The following BTRC variants were observed in gnomAD, a reference collection of about 807,000 sequenced individuals.
BTRC encodes F-box/WD repeat-containing protein 1A.
BTRC carries 42 observed loss-of-function variants against 85.5 expected under a neutral mutation model. The observed-to-expected ratio is 0.49, with a 90% confidence interval of 0.38 to 0.64. The LOEUF (loss-of-function observed/expected upper bound fraction) is 0.64. BTRC is among the 30% of genes least tolerant of loss of function. BTRC has a pLI of 0.00. For missense variants in BTRC, 594 were observed against 743.5 expected (o/e 0.80, Z 2.34); for synonymous variants, 255 against 263.3 (o/e 0.97, Z 0.30).
intron 13 of BTRC, among the ~76,000 whole-genome samples, chr10:101,543,350 A>T (rs537250426): frequency 7.2e-5 from 11 of 151,732 alleles, no homozygotes; most frequent in Non-Finnish European, 1.3e-4. Context: ...CTTTTTTATG[A>T]TTAGTGTCTG....
At chr10:101,527,112 A>G (rs1303517485) in intron 6 of BTRC, among the ~76,000 whole-genome samples, 1 of 152,218 alleles carries the variant, frequency 6.6e-6, no homozygotes, top group Non-Finnish European at 1.5e-5. Flanking sequence ...TTGACAGAAA[A>G]AATTATAATA....
intron 1 of BTRC, among the ~76,000 whole-genome samples, chr10:101,406,938 ATC>A (rs1374345155): frequency 6.6e-6 from 1 of 150,902 alleles, no homozygotes; most frequent in African/African-American, 2.5e-5. Flanking sequence ...TAAATTAATC[ATC>A]TGTCCTGATC....
At chr10:101,406,065 C>T (rs2134010942) in intron 1 of BTRC, among the ~76,000 whole-genome samples, 1 of 151,936 alleles carries the variant, frequency 6.6e-6, no homozygotes, top group East Asian at 1.9e-4. Flanking sequence ...CCCTTTAGTT[C>T]TGAGTTTTTT....
At chr10:101,552,154 T>A (rs2062660468) in intron 14 of BTRC, among the ~76,000 whole-genome samples, 1 of 151,754 alleles carries the variant, frequency 6.6e-6, no homozygotes, top group Admixed American at 6.6e-5. Flanking sequence ...TTTCTTATTA[T>A]TTTTATTTTA....
chr10:101,393,746 T>C (rs1943294991), intron 1 of BTRC, among the ~76,000 whole-genome samples: 1 of 152,082 alleles, frequency 6.6e-6, no homozygotes, highest in Non-Finnish European at 1.5e-5. Context: ...CCCTACACAC[T>C]CCCCCACCCT....
chr10:101,525,058 A>G lies in BTRC; in HGVS notation c.557-955A>G, dbSNP rs188907636. Among the ~76,000 whole-genome samples, 517 of 152,336 alleles carry G rather than the reference A, an allele frequency of 3.4e-3. 1 individual carries two copies. Among genetic ancestry groups the G allele is most frequent in the African/African-American group, 0.012 (479 of 41,588 alleles). The stretch of plus-strand genomic sequence containing the variant: ...TTTAAGTCTGTAGAAAACCTCTGAT[A>G]TGTACTTTGTAAACAGAAATAACTT... On this transcript the variant is annotated intron_variant, in intron 5 of 14. Coordinates refer to ENST00000370187, the MANE Select transcript of BTRC (RefSeq NM_033637.4).
chr10:101,520,386 GTA>G (rs2062086523), intron 4 of BTRC, among the ~76,000 whole-genome samples: 1 of 152,112 alleles, frequency 6.6e-6, no homozygotes, highest in South Asian at 2.1e-4. Flanking sequence ...CACACTAAGA[GTA>G]TATGTTAGTG....
At chr10:101,394,399 T>C (rs1332241235) in intron 1 of BTRC, among the ~76,000 whole-genome samples, 1 of 152,252 alleles carries the variant, frequency 6.6e-6, no homozygotes, top group East Asian at 1.9e-4. Context: ...AAGTATTCTT[T>C]TTGCAGCATC....
At chr10:101,451,192 A>G (rs1009605396) in intron 2 of BTRC, among the ~76,000 whole-genome samples, 1 of 152,202 alleles carries the variant, frequency 6.6e-6, no homozygotes, top group Non-Finnish European at 1.5e-5. Flanking sequence ...CAGTATTAAA[A>G]GAACAGAAAA....
rs983579078 is a variant in BTRC, at chr10:101,478,066, G to A, written c.235-1302G>A. 2.6e-5 allele frequency among the ~76,000 whole-genome samples: 4 copies of A among 152,174 alleles called. No individual in the cohort carries two copies. The South Asian group carries it at 8.3e-4, about 32-fold the overall frequency. On this transcript the variant is annotated intron_variant, in intron 3 of 14. Transcript: ENST00000370187. Reference sequence around the variant, plus strand: ...TGTAATCCCAGCACTTTGGGAGGCCGAGGCGGGTGGGTCACCTGAGGTCAG... The same window carrying A: ...TGTAATCCCAGCACTTTGGGAGGCCAAGGCGGGTGGGTCACCTGAGGTCAG...
At chr10:101,446,161 A>G (rs1944821587) in intron 2 of BTRC, among the ~76,000 whole-genome samples, 1 of 126,390 alleles carries the variant, frequency 7.9e-6, no homozygotes, top group African/African-American at 3.0e-5. Context: ...GATATGTTCT[A>G]GGTTTATTAA....
chr10:101,539,211 G>A (rs2062431852), intron 13 of BTRC, among the ~76,000 whole-genome samples: 1 of 152,158 alleles, frequency 6.6e-6, no homozygotes, highest in African/African-American at 2.4e-5. Flanking sequence ...TGATTCAAAA[G>A]GAGGAATGCA....
intron 2 of BTRC, 56 bp downstream of exon 2, chr10:101,430,508 A>G: frequency 1.4e-6 from 2 of 1,381,264 alleles, no homozygotes; most frequent in South Asian, 1.2e-5. Flanking sequence ...TGTCTAATTC[A>G]TTAGTATGTG....
At chr10:101,362,458 C>T (rs892044340) in intron 1 of BTRC, among the ~76,000 whole-genome samples, 1 of 150,644 alleles carries the variant, frequency 6.6e-6, no homozygotes, top group Non-Finnish European at 1.5e-5. Context: ...TGCAATGGCA[C>T]AATCTCGGCT....
chr10:101,396,679 TGTGGAA>T (rs1943371973), intron 1 of BTRC, among the ~76,000 whole-genome samples: 1 of 152,182 alleles, frequency 6.6e-6, no homozygotes, highest in Non-Finnish European at 1.5e-5. Context: ...TGTGAAAGTC[TGTGGAA>T]ACATCAGTCA....
chr10:101,543,427 C>T (rs1280190710), intron 13 of BTRC, among the ~76,000 whole-genome samples: 1 of 147,034 alleles, frequency 6.8e-6, no homozygotes, highest in Non-Finnish European at 1.5e-5. Context: ...AAATGAATTT[C>T]TCATATTCAG....
intron 3 of BTRC, among the ~76,000 whole-genome samples, chr10:101,475,837 A>G (rs986963888): frequency 4.7e-5 from 7 of 148,516 alleles, no homozygotes; most frequent in African/African-American, 1.7e-4. Context: ...TACCATAGGC[A>G]TGATTAGCAC....
At chr10:101,419,727 G>A (rs575603413) in intron 1 of BTRC, among the ~76,000 whole-genome samples, 2 of 152,252 alleles carry the variant, frequency 1.3e-5, no homozygotes, top group South Asian at 4.2e-4. Flanking sequence ...GGAAACATCG[G>A]GGGGCATGTT....
At chr10:101,510,530 G>A (rs1419960666) in intron 4 of BTRC, among the ~76,000 whole-genome samples, 1 of 146,704 alleles carries the variant, frequency 6.8e-6, no homozygotes, top group Admixed American at 6.8e-5. Context: ...AAAAAAAAAA[G>A]TCGTTGTTAG....
Sources: allele counts gnomAD v4.1 joint callset (sites outside exome capture counted in the v4.1 genomes callset), GRCh38; gene constraint gnomAD v4.1.1; transcripts MANE v1.5; gene names NCBI Gene and HGNC (gene_info 2026-07-23, HGNC 2026-07-21).